The following ANKS1B variants were observed in gnomAD, a reference collection of about 807,000 sequenced individuals.
ANKS1B encodes ankyrin repeat and sterile alpha motif domain-containing protein 1B.
ANKS1B carries 36 observed loss-of-function variants against 148.3 expected under a neutral mutation model. The ratio of observed to expected loss-of-function variants is 0.24; its 90% CI spans 0.19 to 0.32. The LOEUF (loss-of-function observed/expected upper bound fraction) is 0.32. Ranked by LOEUF, ANKS1B falls within the 10% of genes least tolerant of loss-of-function variation. The probability of loss-of-function intolerance (pLI) is 1.00; values close to 1 mark genes in which losing one functional copy is unlikely to be tolerated. For missense variants in ANKS1B, 1,157 were observed against 1,542.6 expected (o/e 0.75, Z 4.19); for synonymous variants, 542 against 560.8 (o/e 0.97, Z 0.47).
intron 1 of ANKS1B, among the ~76,000 whole-genome samples, chr12:99,868,048 T>C (rs565183873): frequency 4.4e-4 from 67 of 152,266 alleles, no homozygotes; most frequent in African/African-American, 1.6e-3. Context: ...CATATGATTA[T>C]CTCAATAGAT....
At chr12:98,897,164 C>T (rs928040307) in intron 17 of ANKS1B, among the ~76,000 whole-genome samples, 2 of 152,100 alleles carry the variant, frequency 1.3e-5, no homozygotes, top group Non-Finnish European at 2.9e-5. Flanking sequence ...GAGGGGAAGT[C>T]GCTGTCCATG....
chr12:98,791,499 T>G (rs2098852244), intron 22 of ANKS1B, among the ~76,000 whole-genome samples: 1 of 152,186 alleles, frequency 6.6e-6, no homozygotes, highest in South Asian at 2.1e-4. Flanking sequence ...CACGCAGTAT[T>G]TGGGAGAGAG....
At chr12:99,300,832 G>A (rs2081497080) in intron 12 of ANKS1B, among the ~76,000 whole-genome samples, 1 of 152,110 alleles carries the variant, frequency 6.6e-6, no homozygotes, top group Non-Finnish European at 1.5e-5. Flanking sequence ...ACATGTAAAG[G>A]CTAGAAAAAA....
intron 9 of ANKS1B, among the ~76,000 whole-genome samples, chr12:99,597,896 G>A (rs1209200920): frequency 6.6e-6 from 1 of 151,924 alleles, no homozygotes; most frequent in Non-Finnish European, 1.5e-5. Context: ...CCATGTAAAT[G>A]AGCTGTATAC....
intron 9 of ANKS1B, among the ~76,000 whole-genome samples, chr12:99,566,413 A>G (rs1229445925): frequency 6.6e-6 from 1 of 152,172 alleles, no homozygotes; most frequent in East Asian, 1.9e-4. Flanking sequence ...TCTAATTTCC[A>G]ATAACATGCT....
intron 17 of ANKS1B, among the ~76,000 whole-genome samples, chr12:98,862,179 C>T (rs1437355716): frequency 6.6e-6 from 1 of 152,114 alleles, no homozygotes; most frequent in African/African-American, 2.4e-5. Flanking sequence ...ATTAAAGTTT[C>T]CTTTTCTTAA....
intron 19 of ANKS1B, among the ~76,000 whole-genome samples, chr12:98,824,036 T>C (rs888835101): frequency 5.9e-5 from 9 of 152,220 alleles, no homozygotes; most frequent in African/African-American, 2.2e-4. Flanking sequence ...CTGTGCACAA[T>C]ATATTTCCAT....
chr12:99,447,457 T>C (rs548415847), intron 10 of ANKS1B, among the ~76,000 whole-genome samples: 58 of 152,068 alleles, frequency 3.8e-4, no homozygotes, highest in African/African-American at 1.2e-3. Flanking sequence ...AAAAACATTT[T>C]CTTAATTAAT....
chr12:99,614,780 C>A (rs2097937243), intron 9 of ANKS1B, among the ~76,000 whole-genome samples: 1 of 151,906 alleles, frequency 6.6e-6, no homozygotes, highest in Non-Finnish European at 1.5e-5. Context: ...ATCCATTTCT[C>A]ATTATTTCAT....
rs528083196 is a variant in ANKS1B, at chr12:99,696,010, A to G, written c.1129-40800T>C. Among the ~76,000 whole-genome samples, 32 of 152,342 alleles carry G rather than the reference A, an allele frequency of 2.1e-4. 1 individual carries two copies. In the South Asian group the frequency reaches 6.0e-3, roughly 29 times the overall value. ...GGCACTATGCTCACTACCTGGGTGG[A>G]GGGATCACTTGTACCCCAAAACTCA... On this transcript the variant is annotated intron_variant, in intron 8 of 26. Coordinates refer to ENST00000683438, the MANE Select transcript of ANKS1B (RefSeq NM_001352186.2).
rs932341684 is a variant in ANKS1B at position 98,832,954 on chromosome 12, AAT to A, written c.2779-820_2779-819del. Among the ~76,000 whole-genome samples the A allele has an allele frequency of 4.3e-4, 66 of 152,310 alleles. 1 individual carries two copies. Among genetic ancestry groups the A allele is most frequent in the African/African-American group, 1.5e-3 (63 of 41,578 alleles). ...TAATGAATATGAAAGAATGAATGGT[AAT>A]AGAGATGGGAGTTGCAAAATTAGAG... On this transcript the variant is annotated intron_variant, in intron 17 of 26. Transcript: ENST00000683438.
chr12:99,968,245 T>A (rs1322150872), intron 1 of ANKS1B, among the ~76,000 whole-genome samples: 2 of 152,132 alleles, frequency 1.3e-5, no homozygotes, highest in Non-Finnish European at 1.5e-5. Context: ...TTTATTGGCC[T>A]GAAAGAGATG....
intron 10 of ANKS1B, among the ~76,000 whole-genome samples, chr12:99,470,662 T>C (rs1002363828): frequency 3.9e-5 from 6 of 152,150 alleles, no homozygotes; most frequent in African/African-American, 1.4e-4. Flanking sequence ...GAGTGTGCAC[T>C]TAGGCACACA....
chr12:99,332,934 G>T (rs535763441), intron 12 of ANKS1B, among the ~76,000 whole-genome samples: 3 of 151,864 alleles, frequency 2.0e-5, no homozygotes, highest in Non-Finnish European at 4.4e-5. Flanking sequence ...CTTGACAGGG[G>T]CCAGATTTAG....
At chr12:99,327,200 ATAT>A (rs1257198092) in intron 12 of ANKS1B, among the ~76,000 whole-genome samples, 1 of 114,040 alleles carries the variant, frequency 8.8e-6, no homozygotes, top group East Asian at 2.2e-4. Flanking sequence ...ATTATATAAT[ATAT>A]TATCTATTAT....
chr12:99,471,872 C>G (rs2096247954), intron 10 of ANKS1B, among the ~76,000 whole-genome samples: 3 of 152,048 alleles, frequency 2.0e-5, no homozygotes, highest in Admixed American at 2.0e-4. Context: ...TAAATTTACC[C>G]AGAAGAGTAA....
At chr12:98,907,615 G>A (rs932236219) in intron 17 of ANKS1B, among the ~76,000 whole-genome samples, 1 of 152,188 alleles carries the variant, frequency 6.6e-6, no homozygotes, top group Non-Finnish European at 1.5e-5. Context: ...ATGGCTTTTT[G>A]GGGTAGGCAA....
At chr12:99,166,201 T>C (rs1166795651) in intron 14 of ANKS1B, among the ~76,000 whole-genome samples, 2 of 151,310 alleles carry the variant, frequency 1.3e-5, no homozygotes, top group African/African-American at 2.4e-5. Context: ...TCTGTTAAGT[T>C]TAGAAACAAA....
At chr12:99,339,409 G>A (rs575545416) in intron 12 of ANKS1B, among the ~76,000 whole-genome samples, 3 of 152,254 alleles carry the variant, frequency 2.0e-5, no homozygotes, top group Admixed American at 6.5e-5. Context: ...AATGGGGCAG[G>A]GTTGGTGTAG....
Sources: gnomAD v4.1 joint callset for allele counts (sites outside exome capture counted in the v4.1 genomes callset) on GRCh38, gnomAD v4.1.1 for gene constraint, MANE v1.5 for transcripts, NCBI Gene and HGNC (gene_info 2026-07-23, HGNC 2026-07-21) for gene names.